LRCH1: variants seen among roughly 807,000 people sequenced by gnomAD.
LRCH1 encodes leucine rich repeats and calponin homology domain containing 1.
A neutral mutation model predicts 94.9 loss-of-function variants in LRCH1; 23 were observed. The observed-to-expected ratio is 0.24, with a 90% CI of 0.17 to 0.34. The LOEUF is 0.34. Ranked by LOEUF, LRCH1 falls within the 10% of genes least tolerant of loss-of-function variation. The probability of loss-of-function intolerance (pLI) is 1.00; values close to 1 mark genes in which losing one functional copy is unlikely to be tolerated. For synonymous variants in LRCH1, 364 were observed against 354.9 expected (o/e 1.03, Z -0.29); for missense variants, 790 against 945.9 (o/e 0.84, Z 2.16).
At chr13:46,594,028 T>C (rs905838861) in intron 1 of LRCH1, among the ~76,000 whole-genome samples, 1 of 152,080 alleles carries the variant, frequency 6.6e-6, no homozygotes, top group Non-Finnish European at 1.5e-5. Context: ...TAGAGAATGT[T>C]TGCATCATAG....
intron 1 of LRCH1, among the ~76,000 whole-genome samples, chr13:46,559,303 T>C (rs2050104248): frequency 6.6e-6 from 1 of 152,270 alleles, no homozygotes; most frequent in Non-Finnish European, 1.5e-5. Flanking sequence ...TTGGTAGTTT[T>C]TAACATACCT....
intron 19 of LRCH1, among the ~76,000 whole-genome samples, chr13:46,735,849 T>A (rs572083303): frequency 7.0e-6 from 1 of 142,180 alleles, no homozygotes; most frequent in Non-Finnish European, 1.5e-5. Context: ...CAGACTGGAG[T>A]GCAGTGGCAC....
At chr13:46,699,272 G>C in intron 9 of LRCH1, 64 bp from the exon 10 acceptor site, 1 of 1,285,652 alleles carries the variant, frequency 7.8e-7, no homozygotes, top group Non-Finnish European at 1.1e-6. Context: ...GGGCTGGGCA[G>C]GTTTTGGCTC....
chr13:46,613,940 AG>A (rs2050775780), intron 1 of LRCH1, among the ~76,000 whole-genome samples: 1 of 152,070 alleles, frequency 6.6e-6, no homozygotes, highest in Non-Finnish European at 1.5e-5. Context: ...TAGGTGAGCC[AG>A]GTTGCTTTTA....
chr13:46,641,821 T>C (rs945875409), intron 1 of LRCH1, among the ~76,000 whole-genome samples: 1 of 152,234 alleles, frequency 6.6e-6, no homozygotes, highest in Non-Finnish European at 1.5e-5. Context: ...TTGACTGTTT[T>C]TCTACCCTAC....
intron 2 of LRCH1, among the ~76,000 whole-genome samples, chr13:46,666,485 T>G (rs1000839302): frequency 2.6e-5 from 4 of 152,178 alleles, no homozygotes; most frequent in Admixed American, 2.6e-4. Context: ...TAACTTAGAG[T>G]GTAACTCTGA....
Position 46,688,662 on chromosome 13 carries a change from GTTAC to G in LRCH1, c.951-468_951-465del, listed in dbSNP as rs551344062. ...ATTTAAAATTTTGGACTACTCTAAT[GTTAC>G]TTTTATATAATGCTTAAAATATGTA... On this transcript the variant is annotated intron_variant, in intron 6 of 19. Coordinates refer to ENST00000389797, the MANE Select transcript of LRCH1 (RefSeq NM_001164211.2). 5.3e-5 allele frequency among the ~76,000 whole-genome samples: 8 copies of G among 152,224 alleles called. No homozygotes were observed. In the East Asian group the frequency reaches 1.5e-3, roughly 29 times the overall value.
At chr13:46,719,110 G>A (rs1013623770) in intron 16 of LRCH1, among the ~76,000 whole-genome samples, 2 of 35,618 alleles carry the variant, frequency 5.6e-5, no homozygotes, top group African/African-American at 1.5e-4. Flanking sequence ...CTCTGAAAGA[G>A]ACAGCCAAAA....
chr13:46,650,520 G>A (rs1331912110), intron 2 of LRCH1, among the ~76,000 whole-genome samples, 175 bp downstream of exon 2: 13 of 151,670 alleles, frequency 8.6e-5, no homozygotes, highest in Admixed American at 7.9e-4. Flanking sequence ...TGTTAATACT[G>A]TCCTTGGTGC....
At chr13:46,735,770 T>C (rs1471659251) in intron 19 of LRCH1, among the ~76,000 whole-genome samples, 1 of 148,886 alleles carries the variant, frequency 6.7e-6, no homozygotes, top group Non-Finnish European at 1.5e-5. Flanking sequence ...TTGAGGTGAT[T>C]TTCCTTTTTT....
chr13:46,751,985 AGTGAGTCGTT>A (rs1874160934), exon 19 of LRCH1: 1 of 152,446 alleles, frequency 6.6e-6, no homozygotes, highest in South Asian at 2.1e-4. Flanking sequence ...AAACCTCAGA[AGTGAGTCGTT>A]GTGAGCCTGT....
chr13:46,731,673 G>C (rs1037966399), intron 18 of LRCH1, among the ~76,000 whole-genome samples: 3 of 152,088 alleles, frequency 2.0e-5, no homozygotes, highest in Non-Finnish European at 4.4e-5. Context: ...TCTTCACCAA[G>C]CATCTTGATG....
In LRCH1 at chr13:46,690,419, C is replaced by T. The variant is rs182453792; in HGVS notation, c.1014+1223C>T. ...GACCATTGTTTCAGAAATTACTCAC[C>T]CTAAGTATATTTTCTGTTAAATTAA... On this transcript the variant is annotated intron_variant, in intron 7 of 19. Transcript: ENST00000389797. 1.1e-4 allele frequency among the ~76,000 whole-genome samples: 16 copies of T among 152,208 alleles called. No homozygotes were observed. The East Asian group carries it at 1.9e-3, about 18-fold the overall frequency.
At chr13:46,557,918 T>C (rs936394960) in intron 1 of LRCH1, among the ~76,000 whole-genome samples, 1 of 152,140 alleles carries the variant, frequency 6.6e-6, no homozygotes, top group East Asian at 1.9e-4. Flanking sequence ...TGGTGGCGCA[T>C]GCCTGTAGTT....
chr13:46,619,064 T>TTCCC (rs2050847076), intron 1 of LRCH1, among the ~76,000 whole-genome samples: 9 of 114,724 alleles, frequency 7.8e-5, no homozygotes, highest in African/African-American at 3.3e-4. Context: ...TCTTTTCTTT[T>TTCCC]TTCCTTCCTT....
intron 1 of LRCH1, among the ~76,000 whole-genome samples, chr13:46,592,446 A>G (rs2050510798): frequency 6.6e-6 from 1 of 152,192 alleles, no homozygotes; most frequent in Non-Finnish European, 1.5e-5. Flanking sequence ...CAATTATATG[A>G]GCACTTCCTC....
At chr13:46,674,176 G>A (rs2051640652) in intron 3 of LRCH1, among the ~76,000 whole-genome samples, 1 of 152,136 alleles carries the variant, frequency 6.6e-6, no homozygotes, top group African/African-American at 2.4e-5. Flanking sequence ...AAAAACTTTA[G>A]CCATCTACAA....
intron 1 of LRCH1, among the ~76,000 whole-genome samples, chr13:46,628,947 C>A (rs150953018): frequency 6.6e-6 from 1 of 152,318 alleles, no homozygotes; most frequent in East Asian, 1.9e-4. Flanking sequence ...TGCTAAACAT[C>A]ATGGAATGTA....
chr13:46,599,980 C>T (rs2050608675), intron 1 of LRCH1, among the ~76,000 whole-genome samples: 2 of 152,192 alleles, frequency 1.3e-5, no homozygotes, highest in African/African-American at 2.4e-5. Flanking sequence ...CGCCACCGAT[C>T]TTAATTTTTT....
Sources: gnomAD v4.1 joint callset for allele counts (sites outside exome capture counted in the v4.1 genomes callset) on GRCh38, gnomAD v4.1.1 for gene constraint, MANE v1.5 for transcripts, NCBI Gene and HGNC (gene_info 2026-07-23, HGNC 2026-07-21) for gene names.